The following MDGA2 variants were observed in gnomAD, a reference collection of about 807,000 sequenced individuals.
MDGA2 encodes MAM domain-containing glycosylphosphatidylinositol anchor protein 2.
Under a neutral mutation model 117.8 loss-of-function variants are expected in MDGA2, and 40 were observed. The observed-to-expected ratio is 0.34, with a 90% CI of 0.26 to 0.44. The LOEUF (loss-of-function observed/expected upper bound fraction) is 0.44. MDGA2 is among the 20% of genes least tolerant of loss of function. The pLI is 1.00. For synonymous variants in MDGA2, 452 were observed against 439.0 expected, an observed-to-expected ratio of 1.03 and a Z score of -0.37; for missense variants, 1,123 against 1,250.6, an observed-to-expected ratio of 0.90 and a Z score of 1.54.
chr14:46,891,682 T>C (rs1050116060), intron 10 of MDGA2, among the ~76,000 whole-genome samples: 1 of 151,640 alleles, frequency 6.6e-6, no homozygotes, highest in South Asian at 2.1e-4. Context: ...TTTCGATACA[T>C]TAAATAATTT....
At chr14:47,416,410 C>G (rs1892476897) in intron 1 of MDGA2, among the ~76,000 whole-genome samples, 1 of 152,164 alleles carries the variant, frequency 6.6e-6, no homozygotes. Context: ...CAGACTAAAG[C>G]AAGGAGAACC....
In MDGA2 at chr14:47,066,628, G is replaced by T. The variant is rs182486306; in HGVS notation, c.1196-5050C>A. Among the ~76,000 whole-genome samples, 138 of 152,160 alleles carry T rather than the reference G, an allele frequency of 9.1e-4. 1 individual carries two copies. Among genetic ancestry groups the T allele is most frequent in the Non-Finnish European group, 1.1e-3 (73 of 68,006 alleles). ...TCAGACAACTCTCTTTGTAAAGGAGGATTTCATCCAAAAGGGCTTGTTTAT... is the reference window on the plus strand; with the variant it reads ...TCAGACAACTCTCTTTGTAAAGGAGTATTTCATCCAAAAGGGCTTGTTTAT... On this transcript the variant is annotated intron_variant, in intron 6 of 16. Transcript: ENST00000399232.
chr14:47,260,412 A>G (rs751410826), intron 2 of MDGA2, among the ~76,000 whole-genome samples: 12 of 152,096 alleles, frequency 7.9e-5, no homozygotes, highest in Non-Finnish European at 1.3e-4. Flanking sequence ...CAGGAGGTGG[A>G]ATCTTTACTG....
At chr14:47,116,775 G>C (rs1881352006) in intron 5 of MDGA2, among the ~76,000 whole-genome samples, 1 of 151,880 alleles carries the variant, frequency 6.6e-6, no homozygotes, top group Non-Finnish European at 1.5e-5. Context: ...TGGACTAAAG[G>C]CTTAAATATA....
At chr14:47,404,465 C>G (rs759795999) in intron 1 of MDGA2, among the ~76,000 whole-genome samples, 2 of 150,340 alleles carry the variant, frequency 1.3e-5, no homozygotes, top group Non-Finnish European at 3.0e-5. Context: ...GGGTTATAGG[C>G]GTGAGCCACA....
At position 47,080,305 on chromosome 14, in the gene MDGA2, A is replaced by G. The variant is rs553088938; in HGVS notation, c.1195+16549T>C. ...ATTCAATTATTTCTGGAGGAAATTTATAACAATTTATAACGCAAGATCAAG... is the reference window on the plus strand; with the variant it reads ...ATTCAATTATTTCTGGAGGAAATTTGTAACAATTTATAACGCAAGATCAAG... On this transcript the variant is annotated intron_variant, in intron 6 of 16. Transcript: ENST00000399232. 1.1e-3 allele frequency among the ~76,000 whole-genome samples: 164 copies of G among 152,342 alleles called. 2 individuals are homozygous for G. Among genetic ancestry groups the G allele is most frequent in the Admixed American group, 2.2e-3 (34 of 15,304 alleles).
intron 6 of MDGA2, among the ~76,000 whole-genome samples, chr14:47,079,493 C>A (rs527530617): frequency 6.6e-6 from 1 of 151,970 alleles, no homozygotes; most frequent in East Asian, 1.9e-4. Context: ...GGGATGCAGG[C>A]AAATCAAATA....
At chr14:47,379,952 A>T (rs1891574492) in intron 1 of MDGA2, among the ~76,000 whole-genome samples, 1 of 152,190 alleles carries the variant, frequency 6.6e-6, no homozygotes, top group Non-Finnish European at 1.5e-5. Flanking sequence ...CTTATATCAA[A>T]ATTGACCACA....
At chr14:47,226,119 T>C (rs1195782675) in intron 2 of MDGA2, among the ~76,000 whole-genome samples, 1 of 151,520 alleles carries the variant, frequency 6.6e-6, no homozygotes, top group Non-Finnish European at 1.5e-5. Context: ...GGGAGACCCC[T>C]ATCTCTACAA....
intron 6 of MDGA2, among the ~76,000 whole-genome samples, chr14:47,079,666 T>C (rs1234992537): frequency 3.3e-5 from 5 of 151,130 alleles, no homozygotes; most frequent in Admixed American, 6.6e-5. Context: ...TTAGGCTGTG[T>C]TGACAAAATA....
intron 1 of MDGA2, among the ~76,000 whole-genome samples, chr14:47,454,075 T>G (rs150012704): frequency 6.6e-6 from 1 of 152,224 alleles, no homozygotes; most frequent in Non-Finnish European, 1.5e-5. Context: ...TTATAGATTA[T>G]GTACTCCCTC....
At chr14:47,570,569 T>A (rs904906861) in intron 1 of MDGA2, among the ~76,000 whole-genome samples, 2 of 152,128 alleles carry the variant, frequency 1.3e-5, no homozygotes, top group Non-Finnish European at 2.9e-5. Flanking sequence ...GTATATATTC[T>A]CTTAAAAATA....
chr14:47,103,702 C>G (rs550835110), intron 5 of MDGA2, among the ~76,000 whole-genome samples: 8 of 152,162 alleles, frequency 5.3e-5, no homozygotes, highest in Non-Finnish European at 1.2e-4. Flanking sequence ...AATTGCATAA[C>G]TTTTAGGAAG....
chr14:47,314,863 G>A (rs1181497688), intron 1 of MDGA2, among the ~76,000 whole-genome samples: 1 of 152,120 alleles, frequency 6.6e-6, no homozygotes, highest in Non-Finnish European at 1.5e-5. Flanking sequence ...AAATGGTATA[G>A]TTTATTGACA....
chr14:47,131,102 C>A (rs1882183972), intron 5 of MDGA2, among the ~76,000 whole-genome samples: 1 of 151,860 alleles, frequency 6.6e-6, no homozygotes, highest in South Asian at 2.1e-4. Context: ...TAAAGTAATT[C>A]TTTATGCACA....
intron 1 of MDGA2, among the ~76,000 whole-genome samples, chr14:47,466,543 C>G (rs1270093627): frequency 6.6e-6 from 1 of 152,044 alleles, no homozygotes; most frequent in South Asian, 2.1e-4. Context: ...AATTTCAATT[C>G]CAGCCTCTCT....
chr14:47,566,286 C>T (rs1327458736), intron 1 of MDGA2, among the ~76,000 whole-genome samples: 4 of 152,142 alleles, frequency 2.6e-5, no homozygotes, highest in Non-Finnish European at 5.9e-5. Context: ...TGAAAGGCAC[C>T]TCAATTGGGC....
chr14:46,919,130 A>G (rs1468153638), intron 10 of MDGA2, among the ~76,000 whole-genome samples: 2 of 152,190 alleles, frequency 1.3e-5, no homozygotes, highest in Non-Finnish European at 2.9e-5. Context: ...GTTTTATGAT[A>G]GAATAGCTGA....
intron 7 of MDGA2, among the ~76,000 whole-genome samples, chr14:47,053,448 T>TTACTGTATTCTATGTG (rs1889527528): frequency 6.6e-6 from 1 of 151,666 alleles, no homozygotes; most frequent in African/African-American, 2.4e-5. Flanking sequence ...CTCACAAACA[T>TTACTGTATTCTATGTG]ACATCCTTTA....
Sources: allele counts gnomAD v4.1 joint callset (sites outside exome capture counted in the v4.1 genomes callset), GRCh38; gene constraint gnomAD v4.1.1; transcripts MANE v1.5; gene names NCBI Gene and HGNC (gene_info 2026-07-23, HGNC 2026-07-21).